Variants in R3HDM1 observed in about 807,000 individuals in gnomAD.
R3HDM1 encodes the protein R3H domain-containing protein 1.
Under a neutral mutation model 141.1 loss-of-function variants are expected in R3HDM1, and 46 were observed. The observed-to-expected ratio is 0.33, with a 90% CI of 0.26 to 0.42. R3HDM1 has a LOEUF of 0.42. Ranked by LOEUF, R3HDM1 falls within the 10% of genes least tolerant of loss-of-function variation. The pLI is 1.00. For missense variants in R3HDM1, 1,184 were observed against 1,368.3 expected, an observed-to-expected ratio of 0.87 and a Z score of 2.12; for synonymous variants, 435 against 472.9, an observed-to-expected ratio of 0.92 and a Z score of 1.04.
intron 19 of R3HDM1, among the ~76,000 whole-genome samples, chr2:135,663,682 T>G (rs2067060009): frequency 6.6e-6 from 1 of 152,126 alleles, no homozygotes; most frequent in South Asian, 2.1e-4. Flanking sequence ...TTTTTAAAAG[T>G]TATAATCTAA....
At chr2:135,594,246 T>C (rs974125459) in intron 1 of R3HDM1, among the ~76,000 whole-genome samples, 16 of 152,238 alleles carry the variant, frequency 1.1e-4, no homozygotes, top group African/African-American at 3.4e-4. Flanking sequence ...TTTAGTACTC[T>C]AGCATTCCTA....
intron 21 of R3HDM1, among the ~76,000 whole-genome samples, chr2:135,697,025 ACTC>A (rs1379532504): frequency 1.3e-5 from 2 of 152,142 alleles, no homozygotes; most frequent in Admixed American, 6.6e-5. Context: ...ATGACTAAAA[ACTC>A]CTTTCAGCCA....
At position 135,661,410 on chromosome 2, in the gene R3HDM1, A is replaced by G. The variant is rs779438648; in HGVS notation, c.2152+17A>G. 4.3e-6 allele frequency: 7 copies of G among 1,612,894 alleles called. No individual in the cohort carries two copies. In the South Asian group the frequency reaches 7.7e-5, roughly 18 times the overall value. ...AGCAGACAGGTGAGTTGTGTTTCTT[A>G]TGTCATAACTTCTGAGCCACACTTT... On this transcript the variant is annotated intron_variant, in intron 19 of 26. Coordinates refer to ENST00000683871, the MANE Select transcript of R3HDM1 (RefSeq NM_001378107.1).
At chr2:135,539,175 AT>A (rs553051478) in intron 1 of R3HDM1, among the ~76,000 whole-genome samples, 8 of 150,364 alleles carry the variant, frequency 5.3e-5, no homozygotes, top group African/African-American at 9.7e-5. Context: ...TTAACTTCTG[AT>A]TTTTTTTTTA....
chr2:135,652,467 A>G (rs2065250519), intron 18 of R3HDM1, among the ~76,000 whole-genome samples: 1 of 152,206 alleles, frequency 6.6e-6, no homozygotes, highest in Non-Finnish European at 1.5e-5. Flanking sequence ...AAACTTTTGA[A>G]TATTTAACTA....
At chr2:135,619,742 C>T (rs2061373603) in intron 5 of R3HDM1, 2 of 967,506 alleles carry the variant, frequency 2.1e-6, no homozygotes, top group Non-Finnish European at 2.5e-6. Flanking sequence ...TTGCTTGATT[C>T]AGAATGTGAT....
At chr2:135,625,459 G>T (rs967451889) in intron 7 of R3HDM1, among the ~76,000 whole-genome samples, 5 of 151,980 alleles carry the variant, frequency 3.3e-5, no homozygotes, top group South Asian at 2.1e-4. Flanking sequence ...ATAAATGAAT[G>T]AATTAATTAA....
chr2:135,593,958 G>A (rs1187619298), intron 1 of R3HDM1, among the ~76,000 whole-genome samples: 1 of 152,158 alleles, frequency 6.6e-6, no homozygotes, highest in African/African-American at 2.4e-5. Context: ...GACCTCAGGT[G>A]ATCCGCCCGC....
At chr2:135,561,275 G>A (rs1701749899) in intron 1 of R3HDM1, 1 of 984,326 alleles carries the variant, frequency 1.0e-6, no homozygotes, top group African/African-American at 1.7e-5. Context: ...CCAAAGTCCT[G>A]ATTACATTTT....
In R3HDM1 at chr2:135,709,444, G is replaced by T; in HGVS notation, c.2471G>T (p.Gly824Val). 1 of 1,614,046 alleles carries T rather than the reference G, an allele frequency of 6.2e-7. No homozygotes were observed. The highest frequency in any genetic ancestry group is 8.5e-7 in the Non-Finnish European group (1 of 1,180,000). ...TGTTTTTTCCATAGCTCTTCAGTAG[G>T]TTACCTGCAACATCCAGGATCAGAA... ...GQQNNLSSSV[G>V]YLQHPGSEQV... The change falls in exon 22 of 27, where the codon GGT (glycine) becomes GTT (valine). Residue 824 changes from glycine to valine, a missense_variant. Around this residue, in one of 5 missense-constraint regions of R3HDM1, gnomAD observed 563 missense variants for 562.0 expected, o/e 1.00. Coordinates refer to ENST00000683871, the MANE Select transcript of R3HDM1 (RefSeq NM_001378107.1).
chr2:135,559,008 TAAAAC>T (rs895972107), intron 1 of R3HDM1: 25 of 983,954 alleles, frequency 2.5e-5, no homozygotes, highest in Non-Finnish European at 2.8e-5. Flanking sequence ...TACAAAAACT[TAAAAC>T]TAAAATACCT....
intron 20 of R3HDM1, among the ~76,000 whole-genome samples, 184 bp downstream of exon 20, chr2:135,675,670 G>A (rs560908500): frequency 3.9e-5 from 6 of 152,006 alleles, no homozygotes; most frequent in South Asian, 2.1e-4. Context: ...TTTATTAGTC[G>A]TAGAAGCTTG....
At chr2:135,630,299 A>AC (rs2062559958) in intron 7 of R3HDM1, among the ~76,000 whole-genome samples, 1 of 146,718 alleles carries the variant, frequency 6.8e-6, no homozygotes, top group African/African-American at 2.7e-5. Context: ...AAAAAAAAAA[A>AC]AAAAAAAAAC....
chr2:135,645,592 G>A (rs539183978), intron 16 of R3HDM1, 65 bp downstream of exon 16: 115 of 1,534,060 alleles, frequency 7.5e-5, no homozygotes, highest in African/African-American at 6.9e-4. Flanking sequence ...GACTAAATTC[G>A]CTAATTATAA....
chr2:135,602,847 A>T, intron 2 of R3HDM1, 139 bp downstream of exon 2: 2 of 673,128 alleles, frequency 3.0e-6, no homozygotes, highest in Non-Finnish European at 4.5e-6. Flanking sequence ...GAACCAATTA[A>T]CTTTTGTATG....
rs564310678 is a variant in R3HDM1, at chr2:135,711,131, G to A, written c.2736+900G>A. On this transcript the variant is annotated intron_variant, in intron 23 of 26. Transcript: ENST00000683871. ...GCATTACTTATGATATACTCTTACC[G>A]AAATTTGAATCTATTCAAGCCTCTA... Among the ~76,000 whole-genome samples the A allele has an allele frequency of 5.1e-4, 78 of 152,304 alleles. 1 individual carries two copies. The highest frequency in any genetic ancestry group is 1.6e-3 in the African/African-American group (67 of 41,584).
At chr2:135,584,184 C>T in intron 1 of R3HDM1, 1 of 590,294 alleles carries the variant, frequency 1.7e-6, no homozygotes, top group Non-Finnish European at 2.1e-6. Flanking sequence ...AAATATTAAC[C>T]AGTTGTGGTG....
chr2:135,611,432 T>C (rs1171517222), intron 3 of R3HDM1, among the ~76,000 whole-genome samples: 1 of 152,120 alleles, frequency 6.6e-6, no homozygotes, highest in Non-Finnish European at 1.5e-5. Context: ...ATGTACCTAG[T>C]ACATAGAGCC....
Position 135,680,205 on chromosome 2 carries a change from C to T in R3HDM1, c.2340C>T (p.Pro780=), listed in dbSNP as rs771938916. 1.4e-5 allele frequency: 22 copies of T among 1,613,684 alleles called. No homozygotes were observed. The highest frequency in any genetic ancestry group is 1.8e-5 in the Non-Finnish European group (21 of 1,179,758). Residue 780 remains proline, a synonymous_variant, in exon 21 of 27, where the codon CCC becomes CCT. Coordinates refer to ENST00000683871, the MANE Select transcript of R3HDM1 (RefSeq NM_001378107.1). ...VSLPQGSQGI[P]HQTYQQPVMF... ...TGCCTCAAGGTTCTCAAGGAATTCC[C>T]CATCAGACTTATCAACAGCCTGTTA...
Sources: gnomAD v4.1 joint callset for allele counts (sites outside exome capture counted in the v4.1 genomes callset) on GRCh38, gnomAD v4.1.1 for gene constraint, gnomAD v4.1.1 regional missense constraint, MANE v1.5 for transcripts, NCBI Gene and HGNC (gene_info 2026-07-23, HGNC 2026-07-21) for gene names.